The following ERBB4 variants were observed in gnomAD, a reference collection of about 807,000 sequenced individuals.
ERBB4 encodes receptor tyrosine-protein kinase erbB-4.
Under a neutral mutation model 158.0 loss-of-function variants are expected in ERBB4, and 42 were observed. The observed-to-expected ratio is 0.27, with a 90% CI of 0.21 to 0.34. ERBB4 has a LOEUF of 0.34. ERBB4 is among the 10% of genes least tolerant of loss of function. The probability of loss-of-function intolerance (pLI) is 1.00; values close to 1 mark genes in which losing one functional copy is unlikely to be tolerated. For synonymous variants in ERBB4, 583 were observed against 558.7 expected, an observed-to-expected ratio of 1.04 and a Z score of -0.61; for missense variants, 1,333 against 1,624.1, an observed-to-expected ratio of 0.82 and a Z score of 3.08.
intron 3 of ERBB4, among the ~76,000 whole-genome samples, chr2:211,851,781 A>G (rs937998375): frequency 6.6e-6 from 1 of 151,980 alleles, no homozygotes; most frequent in Non-Finnish European, 1.5e-5. Flanking sequence ...GAATTCTTAG[A>G]ATACAGAAAT....
chr2:211,584,485 A>G (rs979846801), intron 19 of ERBB4, among the ~76,000 whole-genome samples: 2 of 152,028 alleles, frequency 1.3e-5, no homozygotes, highest in African/African-American at 4.8e-5. Flanking sequence ...ACAGTGTGTA[A>G]TGGAGCAACT....
chr2:212,364,914 A>AGT lies in ERBB4; in HGVS notation c.82+173533_82+173534dup, dbSNP rs34682600. On this transcript the variant is annotated intron_variant, in intron 1 of 27. Coordinates refer to ENST00000342788, the MANE Select transcript of ERBB4 (RefSeq NM_005235.3). The stretch of plus-strand genomic sequence containing the variant: ...GTGTGTGCGTCTGTGTGTGTGTGTG[A>AGT]GTGTGTGTGTGTGTGTGTGTGTGTT... Among the ~76,000 whole-genome samples the AGT allele has an allele frequency of 2.4e-3, 355 of 148,104 alleles. 1 individual carries two copies. The highest frequency in any genetic ancestry group is 6.8e-3 in the East Asian group (34 of 4,978).
intron 2 of ERBB4, among the ~76,000 whole-genome samples, chr2:211,977,647 G>A (rs1275895096): frequency 6.6e-6 from 1 of 151,132 alleles, no homozygotes; most frequent in African/African-American, 2.4e-5. Flanking sequence ...GACCAGCCTG[G>A]CCAAAATGGT....
At chr2:211,665,291 C>A (rs371741515) in intron 15 of ERBB4, 32 bp downstream of exon 15, 1 of 1,611,262 alleles carries the variant, frequency 6.2e-7, no homozygotes, top group Non-Finnish European at 8.5e-7. Context: ...TAACACATAC[C>A]AGGTGAGCCC....
intron 3 of ERBB4, among the ~76,000 whole-genome samples, chr2:211,919,682 G>A (rs1267616921): frequency 1.3e-5 from 2 of 151,896 alleles, no homozygotes; most frequent in Non-Finnish European, 2.9e-5. Context: ...TTTAGTTTTT[G>A]GATTTTATCA....
intron 1 of ERBB4, among the ~76,000 whole-genome samples, chr2:212,254,695 A>G (rs1029520680): frequency 1.3e-5 from 2 of 152,182 alleles, no homozygotes; most frequent in Admixed American, 1.3e-4. Context: ...AAAACTTCCT[A>G]ACCTGCTTTC....
At chr2:211,552,031 G>A (rs1323955382) in intron 20 of ERBB4, among the ~76,000 whole-genome samples, 1 of 152,126 alleles carries the variant, frequency 6.6e-6, no homozygotes, top group Non-Finnish European at 1.5e-5. Context: ...CGTTTTTAAT[G>A]TGAAAGAGGT....
intron 1 of ERBB4, among the ~76,000 whole-genome samples, chr2:212,372,322 C>T (rs868189694): frequency 1.3e-5 from 2 of 152,100 alleles, no homozygotes; most frequent in African/African-American, 4.8e-5. Flanking sequence ...CATCACAACG[C>T]AAAATATGGA....
At chr2:212,310,661 G>A (rs1438664736) in intron 1 of ERBB4, among the ~76,000 whole-genome samples, 5 of 147,694 alleles carry the variant, frequency 3.4e-5, no homozygotes, top group Admixed American at 6.8e-5. Flanking sequence ...ATATATTCCA[G>A]AAGTTTATAG....
At chr2:211,949,514 A>T (rs1246560392) in intron 2 of ERBB4, among the ~76,000 whole-genome samples, 1 of 152,178 alleles carries the variant, frequency 6.6e-6, no homozygotes, top group Non-Finnish European at 1.5e-5. Context: ...AGTTAAATAA[A>T]ATGTATTATT....
intron 1 of ERBB4, among the ~76,000 whole-genome samples, chr2:212,305,299 G>GGA (rs2086770678): frequency 6.6e-6 from 1 of 151,216 alleles, no homozygotes; most frequent in South Asian, 2.1e-4. Flanking sequence ...TGTTTAGTGA[G>GGA]GACGTACTCT....
At chr2:212,143,704 C>T (rs184033308) in intron 1 of ERBB4, among the ~76,000 whole-genome samples, 1 of 151,914 alleles carries the variant, frequency 6.6e-6, no homozygotes, top group African/African-American at 2.4e-5. Flanking sequence ...TCTTCCTTTT[C>T]GCACTTTGTT....
intron 5 of ERBB4, among the ~76,000 whole-genome samples, chr2:211,727,043 C>G (rs1467770904): frequency 6.6e-6 from 1 of 152,174 alleles, no homozygotes; most frequent in Non-Finnish European, 1.5e-5. Context: ...TGAAACCTTT[C>G]CAGACACAGC....
intron 2 of ERBB4, among the ~76,000 whole-genome samples, chr2:212,105,729 C>T (rs1483019571): frequency 6.6e-6 from 1 of 152,164 alleles, no homozygotes; most frequent in African/African-American, 2.4e-5. Flanking sequence ...TTAACTGTGT[C>T]CCCATCCAAA....
At chr2:211,676,491 C>T (rs538182058) in intron 13 of ERBB4, among the ~76,000 whole-genome samples, 1 of 151,912 alleles carries the variant, frequency 6.6e-6, no homozygotes, top group Non-Finnish European at 1.5e-5. Context: ...TGTATACATA[C>T]ACATGTTTAT....
At chr2:212,390,194 T>C (rs1422946917) in intron 1 of ERBB4, among the ~76,000 whole-genome samples, 1 of 151,880 alleles carries the variant, frequency 6.6e-6, no homozygotes, top group African/African-American at 2.4e-5. Flanking sequence ...ATCTAAAATG[T>C]AGTCATACCA....
At chr2:211,772,916 C>CATATATATATAT (rs777305120) in intron 4 of ERBB4, among the ~76,000 whole-genome samples, 3,136 of 62,914 alleles carry the variant, frequency 0.05, 264 homozygotes, top group South Asian at 0.15. Flanking sequence ...TATACACACA[C>CATATATATATAT]ACACACACAT....
chr2:211,556,255 G>C (rs898071064), intron 20 of ERBB4, among the ~76,000 whole-genome samples: 1 of 152,210 alleles, frequency 6.6e-6, no homozygotes, highest in Non-Finnish European at 1.5e-5. Context: ...AAATATATAT[G>C]TGTGCAACAC....
chr2:212,359,340 G>A, intron 1 of ERBB4, among the ~76,000 whole-genome samples: 1 of 151,518 alleles, frequency 6.6e-6, no homozygotes, highest in East Asian at 1.9e-4. Flanking sequence ...TTGATGATCT[G>A]TATTGAGAAG....
Sources: allele counts gnomAD v4.1 joint callset (sites outside exome capture counted in the v4.1 genomes callset), GRCh38; gene constraint gnomAD v4.1.1; transcripts MANE v1.5; gene names NCBI Gene and HGNC (gene_info 2026-07-23, HGNC 2026-07-21).